The following TNIK variants were observed in gnomAD, a reference collection of about 807,000 sequenced individuals.
TNIK encodes the protein TRAF2 and NCK-interacting protein kinase.
TNIK carries 49 observed loss-of-function variants against 191.3 expected under a neutral mutation model. The observed-to-expected ratio is 0.26, with a 90% confidence interval of 0.20 to 0.32. TNIK has a LOEUF of 0.32. Among genes scored for constraint, TNIK ranks in the 10% least tolerant of loss-of-function variants. The pLI, the probability that TNIK is intolerant of heterozygous loss-of-function variation, is 1.00. For synonymous variants in TNIK, 594 were observed against 600.9 expected, an observed-to-expected ratio of 0.99 and a Z score of 0.17; for missense variants, 1,155 against 1,702.3, an observed-to-expected ratio of 0.68 and a Z score of 5.66.
chr3:171,241,060 T>C (rs1560308629), intron 2 of TNIK, among the ~76,000 whole-genome samples: 1 of 151,630 alleles, frequency 6.6e-6, no homozygotes, highest in Non-Finnish European at 1.5e-5. Context: ...GATAGAGTTC[T>C]GCTCTTGTTG....
intron 12 of TNIK, among the ~76,000 whole-genome samples, chr3:171,146,981 T>C (rs772594687): frequency 6.6e-6 from 1 of 151,928 alleles, no homozygotes; most frequent in Non-Finnish European, 1.5e-5. Context: ...AATGAGGGTA[T>C]AGATTAAGTA....
intron 15 of TNIK, among the ~76,000 whole-genome samples, chr3:171,133,720 T>C (rs1008480645): frequency 6.6e-6 from 1 of 152,152 alleles, no homozygotes; most frequent in East Asian, 1.9e-4. Flanking sequence ...ACTCTCTAAA[T>C]GCTAGTTTGG....
chr3:171,432,627 A>G (rs552751879), intron 1 of TNIK, among the ~76,000 whole-genome samples: 147 of 152,304 alleles, frequency 9.7e-4, no homozygotes, highest in African/African-American at 3.4e-3. Flanking sequence ...CCTATGAACC[A>G]TCTAAGTTTG....
At chr3:171,069,080 T>A in intron 29 of TNIK, 83 bp from the exon 30 acceptor site, 1 of 1,446,806 alleles carries the variant, frequency 6.9e-7, no homozygotes, top group Non-Finnish European at 9.2e-7. Context: ...TAGAGGAAGT[T>A]AACTTCTAAC....
intron 1 of TNIK, among the ~76,000 whole-genome samples, chr3:171,445,777 G>A (rs1018172801): frequency 5.3e-5 from 8 of 152,084 alleles, no homozygotes; most frequent in Non-Finnish European, 7.3e-5. Flanking sequence ...TGTATCCTAC[G>A]GTGCAGTTAA....
At chr3:171,456,650 C>A (rs1728828963) in intron 1 of TNIK, among the ~76,000 whole-genome samples, 1 of 152,142 alleles carries the variant, frequency 6.6e-6, no homozygotes, top group African/African-American at 2.4e-5. Context: ...GCAGAGTAGG[C>A]ATTGAACCAG....
chr3:171,276,490 C>A (rs925966935), intron 2 of TNIK, among the ~76,000 whole-genome samples: 1 of 152,116 alleles, frequency 6.6e-6, no homozygotes, highest in Non-Finnish European at 1.5e-5. Flanking sequence ...GGGAAAATGG[C>A]ATTTGGAAAT....
At chr3:171,149,019 CTA>C (rs1732046146) in intron 12 of TNIK, among the ~76,000 whole-genome samples, 1 of 152,152 alleles carries the variant, frequency 6.6e-6, no homozygotes, top group Non-Finnish European at 1.5e-5. Context: ...TCCCCAGCCT[CTA>C]TGATTCTATA....
intron 1 of TNIK, among the ~76,000 whole-genome samples, chr3:171,454,329 A>G (rs77823665): frequency 0.054 from 8,261 of 152,286 alleles, 321 homozygotes; most frequent in South Asian, 0.14. Context: ...CAGGGCAGAG[A>G]CACAGAAAGA....
chr3:171,179,612 C>A (rs755313312), intron 7 of TNIK, among the ~76,000 whole-genome samples: 4 of 152,058 alleles, frequency 2.6e-5, no homozygotes, highest in Non-Finnish European at 4.4e-5. Flanking sequence ...CCACCATGCC[C>A]GGCTAATTTT....
intron 10 of TNIK, among the ~76,000 whole-genome samples, chr3:171,163,783 C>T (rs974854591): frequency 1.3e-5 from 2 of 152,102 alleles, no homozygotes; most frequent in African/African-American, 4.8e-5. Flanking sequence ...CTTCATTTGT[C>T]AGGCTTCTCA....
intron 1 of TNIK, among the ~76,000 whole-genome samples, chr3:171,391,632 T>C (rs1055534494): frequency 6.6e-6 from 1 of 152,250 alleles, no homozygotes; most frequent in Non-Finnish European, 1.5e-5. Context: ...CCACAATTTA[T>C]TGTTCTTTGT....
chr3:171,196,884 A>G (rs192923371), intron 4 of TNIK, among the ~76,000 whole-genome samples: 1 of 151,918 alleles, frequency 6.6e-6, no homozygotes, highest in Admixed American at 6.6e-5. Context: ...CCTCTCGAGT[A>G]GCTGGGACTA....
At chr3:171,124,400 A>G (rs1003812146) in intron 17 of TNIK, among the ~76,000 whole-genome samples, 2 of 152,328 alleles carry the variant, frequency 1.3e-5, no homozygotes, top group East Asian at 3.9e-4. Context: ...TGTAAGTACC[A>G]ATAAGACTTG....
intron 1 of TNIK, among the ~76,000 whole-genome samples, chr3:171,403,627 A>G (rs892973559): frequency 4.9e-5 from 7 of 143,380 alleles, no homozygotes; most frequent in East Asian, 2.0e-4. Context: ...AAAAAAAAAA[A>G]AAAAAAGAAA....
chr3:171,382,196 T>TCTCTAAGGTTGTTGA (rs1321708985), intron 1 of TNIK, among the ~76,000 whole-genome samples: 1 of 151,208 alleles, frequency 6.6e-6, no homozygotes, highest in Non-Finnish European at 1.5e-5. Flanking sequence ...GAGGTGGCAG[T>TCTCTAAGGTTGTTGA]CTCTAAGGTT....
chr3:171,361,783 T>C (rs1264953322), intron 2 of TNIK, among the ~76,000 whole-genome samples: 1 of 152,184 alleles, frequency 6.6e-6, no homozygotes, highest in Non-Finnish European at 1.5e-5. Context: ...ACCTTACATG[T>C]ACATAGGAAT....
intron 30 of TNIK, 36 bp downstream of exon 30, chr3:171,068,812 C>CAG: frequency 6.3e-7 from 1 of 1,591,800 alleles, no homozygotes; most frequent in Non-Finnish European, 8.6e-7. Context: ...GGCTGTTGTA[C>CAG]AGAGAGCCCT....
intron 30 of TNIK, among the ~76,000 whole-genome samples, chr3:171,067,630 C>T (rs1718622270): frequency 6.6e-6 from 1 of 150,662 alleles, no homozygotes; most frequent in Non-Finnish European, 1.5e-5. Context: ...CGAGATCACG[C>T]CACTGTACTC....
Sources: gnomAD v4.1 joint callset for allele counts (sites outside exome capture counted in the v4.1 genomes callset) on GRCh38, gnomAD v4.1.1 for gene constraint, MANE v1.5 for transcripts, NCBI Gene and HGNC (gene_info 2026-07-23, HGNC 2026-07-21) for gene names.